Variants in RASGEF1C observed in about 807,000 individuals in gnomAD.
RASGEF1C encodes ras-GEF domain-containing family member 1C.
Under a neutral mutation model 58.1 loss-of-function variants are expected in RASGEF1C, and 27 were observed. The observed-to-expected ratio is 0.46, with a 90% CI of 0.34 to 0.64. The LOEUF is 0.64. RASGEF1C is among the 30% of genes least tolerant of loss of function. The pLI, the probability that RASGEF1C is intolerant of heterozygous loss-of-function variation, is 0.01. For synonymous variants in RASGEF1C, 243 were observed against 246.3 expected (o/e 0.99, Z 0.13); for missense variants, 502 against 605.1 (o/e 0.83, Z 1.79).
At chr5:180,129,240 C>CA (rs1357617386) in intron 4 of RASGEF1C, among the ~76,000 whole-genome samples, 6 of 152,242 alleles carry the variant, frequency 3.9e-5, no homozygotes, top group Admixed American at 2.0e-4. Flanking sequence ...GTTTTGGACA[C>CA]AGCCTTCCTT....
intron 1 of RASGEF1C, among the ~76,000 whole-genome samples, chr5:180,173,857 G>GAT: frequency 6.6e-6 from 1 of 151,236 alleles, no homozygotes; most frequent in Non-Finnish European, 1.5e-5. Flanking sequence ...AGTTTGCAGT[G>GAT]AGCTGAGATT....
chr5:180,165,750 C>CTTTTTTTT (rs372734323), intron 1 of RASGEF1C, among the ~76,000 whole-genome samples: 1 of 107,370 alleles, frequency 9.3e-6, no homozygotes, highest in Non-Finnish European at 1.8e-5. Flanking sequence ...TTAATTTTTC[C>CTTTTTTTT]TTTTTTTTTT....
At chr5:180,161,990 C>T (rs893897651) in intron 1 of RASGEF1C, among the ~76,000 whole-genome samples, 1 of 152,208 alleles carries the variant, frequency 6.6e-6, no homozygotes, top group Admixed American at 6.5e-5. Context: ...TGGTGGGTAT[C>T]CCAAAGCAAG....
In RASGEF1C at chr5:180,111,357, C is replaced by T. The variant is rs890361901; in HGVS notation, c.1303+100G>A. ...GGAGCCAGCCCAGGTGGGCAGGGTG[C>T]ATCCCTAACCTACTCAGAGCAGGGG... On this transcript the variant is annotated intron_variant, in intron 12 of 13. Coordinates refer to ENST00000361132, the MANE Select transcript of RASGEF1C (RefSeq NM_175062.4). The T allele has an allele frequency of 2.3e-5, 34 of 1,507,424 alleles. No homozygotes were observed. In the African/African-American group the frequency reaches 4.4e-4, roughly 19 times the overall value. 93.4% of individuals were successfully genotyped at this position (1,507,424 alleles called of 1,614,324 possible).
At chr5:180,189,287 C>T (rs1756103070) in intron 1 of RASGEF1C, among the ~76,000 whole-genome samples, 1 of 152,208 alleles carries the variant, frequency 6.6e-6, no homozygotes, top group Non-Finnish European at 1.5e-5. Context: ...AGAAATTAAA[C>T]ACGTAAGTAA....
chr5:180,175,532 G>T (rs1767209225), intron 1 of RASGEF1C, among the ~76,000 whole-genome samples: 1 of 152,174 alleles, frequency 6.6e-6, no homozygotes, highest in Non-Finnish European at 1.5e-5. Flanking sequence ...CTGCATTTCG[G>T]TGCTTGTTGA....
intron 1 of RASGEF1C, among the ~76,000 whole-genome samples, chr5:180,176,938 G>A (rs982060438): frequency 1.3e-5 from 2 of 152,208 alleles, no homozygotes; most frequent in African/African-American, 4.8e-5. Flanking sequence ...CCAGCCGTCA[G>A]GGTTGGGCAG....
intron 1 of RASGEF1C, among the ~76,000 whole-genome samples, chr5:180,144,789 AAACACT>A (rs201724848): frequency 0.011 from 1,648 of 152,302 alleles, 31 homozygotes; most frequent in African/African-American, 0.038. Flanking sequence ...TGTACCCAGT[AAACACT>A]AACTCCCCAA....
chr5:180,159,717 G>C (rs2113299732), intron 1 of RASGEF1C, among the ~76,000 whole-genome samples: 1 of 152,354 alleles, frequency 6.6e-6, no homozygotes, highest in South Asian at 2.1e-4. Flanking sequence ...CTGATCCACA[G>C]GCTGGGGATT....
Position 180,114,475 on chromosome 5 carries a change from G to A in RASGEF1C, c.1150C>T (p.Arg384Cys), listed in dbSNP as rs776260736. 1.9e-5 allele frequency: 30 copies of A among 1,613,050 alleles called. No individual in the cohort carries two copies. Among genetic ancestry groups the A allele is most frequent in the African/African-American group, 9.3e-5 (7 of 75,032 alleles). The stretch of plus-strand genomic sequence containing the variant: ...AAGTTGACGTGTCCATTGGGAAGGC[G>A]GTTGGCGCAGCCCTCATTCAGGAAG... Reference protein sequence around the residue: ...IYFLNEGCANRLPNGHVNFEK... With the variant: ...IYFLNEGCANCLPNGHVNFEK... Residue 384 changes from arginine (R) to cysteine (C), a missense_variant, in exon 11 of 14, where the codon CGC becomes TGC. By Grantham distance (180) the Arg-to-Cys change is radical (BLOSUM62 -3). Coordinates refer to ENST00000361132, the MANE Select transcript of RASGEF1C (RefSeq NM_175062.4).
In RASGEF1C at chr5:180,158,925, C is replaced by T. The variant is rs1303112009; in HGVS notation, c.-6-20867G>A. Among the ~76,000 whole-genome samples, 5 of 152,102 alleles carry T rather than the reference C, an allele frequency of 3.3e-5. No homozygotes were observed. Among genetic ancestry groups the T allele is most frequent in the African/African-American group, 1.2e-4 (5 of 41,416 alleles). On this transcript the variant is annotated intron_variant, in intron 1 of 13. Coordinates refer to ENST00000361132, the MANE Select transcript of RASGEF1C (RefSeq NM_175062.4). This position sits in a 1 kb window ranked among gnomAD's most constrained non-coding sequence, Gnocchi z 4.0. ...TGTCCTCCAATTTAAAAAATATTTT[C>T]TCTCCTACTTTCCATTACAAAATCT...
chr5:180,177,304 C>T lies in RASGEF1C; in HGVS notation c.-7+31724G>A, dbSNP rs2113318948. Among the ~76,000 whole-genome samples the T allele has an allele frequency of 6.6e-6, 1 of 152,356 alleles. No homozygotes were observed. Among genetic ancestry groups the T allele is most frequent in the African/African-American group, 2.4e-5 (1 of 41,590 alleles). ...CCCACCTCCCCACCCAGTGAAGGGG[C>T]TGGCCTGCCCGGCTCACCCAGCAGC... On this transcript the variant is annotated intron_variant, in intron 1 of 13. Transcript: ENST00000361132. This position sits in a 1 kb window ranked among gnomAD's most constrained non-coding sequence, Gnocchi z 5.0.
chr5:180,161,689 G>A (rs996261506), intron 1 of RASGEF1C, among the ~76,000 whole-genome samples: 4 of 152,260 alleles, frequency 2.6e-5, no homozygotes, highest in Admixed American at 6.5e-5. Context: ...CTGGAACACC[G>A]CTGTGGCTGC....
intron 1 of RASGEF1C, among the ~76,000 whole-genome samples, chr5:180,170,636 C>T (rs934915554): frequency 4.6e-5 from 7 of 152,314 alleles, no homozygotes; most frequent in African/African-American, 1.7e-4. Context: ...TTTCATCGAA[C>T]CTTCCGGAGG....
chr5:180,151,070 TACAA>T, intron 1 of RASGEF1C, among the ~76,000 whole-genome samples: 1 of 151,718 alleles, frequency 6.6e-6, no homozygotes, highest in African/African-American at 2.4e-5. Context: ...TAAAAGAGGA[TACAA>T]ACAAATGGAA....
intron 1 of RASGEF1C, among the ~76,000 whole-genome samples, chr5:180,141,787 G>A (rs1249743521): frequency 6.8e-6 from 1 of 147,714 alleles, no homozygotes; most frequent in African/African-American, 2.5e-5. Flanking sequence ...TTTGCTCACT[G>A]CAGTCTCCAC....
chr5:180,199,525 C>T (rs1046682166), intron 1 of RASGEF1C, among the ~76,000 whole-genome samples: 3 of 152,214 alleles, frequency 2.0e-5, no homozygotes, highest in Non-Finnish European at 4.4e-5. Context: ...CTCCGTCCCA[C>T]GCTTAGCGAC....
At chr5:180,136,726 C>T in intron 3 of RASGEF1C, 2 of 578,358 alleles carry the variant, frequency 3.5e-6, no homozygotes, top group Admixed American at 3.1e-5. Context: ...ATCTCTTGCT[C>T]TGGCCTTTCT....
intron 1 of RASGEF1C, among the ~76,000 whole-genome samples, chr5:180,175,470 CT>C (rs1168473018): frequency 6.6e-6 from 1 of 152,226 alleles, no homozygotes; most frequent in East Asian, 1.9e-4. Context: ...GTGCAGCCCC[CT>C]GAGTCCTGCT....
Sources: gnomAD v4.1 joint callset for allele counts (sites outside exome capture counted in the v4.1 genomes callset) on GRCh38, gnomAD v4.1.1 for gene constraint, Gnocchi (gnomAD v3.1) non-coding constraint, MANE v1.5 for transcripts, NCBI Gene and HGNC (gene_info 2026-07-23, HGNC 2026-07-21) for gene names.